Variants in ARVCF observed in about 807,000 individuals in gnomAD.
The protein encoded by ARVCF is splicing regulator ARVCF.
In ARVCF, 66 loss-of-function variants were observed where a neutral mutation model predicts 90.9. The observed-to-expected ratio is 0.73, with a 90% CI of 0.60 to 0.89. The LOEUF is 0.89. Ranked by LOEUF, ARVCF falls within the 40% of genes least tolerant of loss-of-function variation. The pLI is 0.00. For missense variants in ARVCF, 1,469 were observed against 1,382.3 expected, an observed-to-expected ratio of 1.06 and a Z score of -1.00; for synonymous variants, 653 against 603.4, an observed-to-expected ratio of 1.08 and a Z score of -1.21.
At chr22:19,971,783 C>T (rs1036970614) in intron 18 of ARVCF, 103 bp downstream of exon 18, 1 of 1,280,820 alleles carries the variant, frequency 7.8e-7, no homozygotes, top group East Asian at 2.3e-5. Flanking sequence ...CCCAGCTGTA[C>T]CCCAGGGCCC....
chr22:19,996,414 G>C (rs1232160030), intron 2 of ARVCF, among the ~76,000 whole-genome samples: 2 of 152,212 alleles, frequency 1.3e-5, no homozygotes, highest in Admixed American at 6.5e-5. Flanking sequence ...AATGACGGGT[G>C]CTGGCGTTAC....
chr22:19,973,335 G>A lies in ARVCF; in HGVS notation c.2240-18C>T. On this transcript the variant is annotated intron_variant, in intron 13 of 19. Transcript: ENST00000263207. ...GTAGCTCCCTGAGGGGCAGGACTAG[G>A]TGTCAGAACACACCTCTGCCCCACC... The A allele has an allele frequency of 6.3e-7, 1 of 1,578,274 alleles. No individual in the cohort carries two copies. Among genetic ancestry groups the A allele is most frequent in the Non-Finnish European group, 8.6e-7 (1 of 1,167,224 alleles).
In ARVCF at chr22:19,969,999, C is replaced by A. The variant is rs1942657027; in HGVS notation, c.*757G>T. 1.6e-5 allele frequency: 16 copies of A among 984,934 alleles called. No individual in the cohort carries two copies. Among genetic ancestry groups the A allele is most frequent in the Non-Finnish European group, 1.4e-5 (12 of 829,922 alleles). The allele number at this position is 984,934 out of a possible 1,614,324, so 61.0% of individuals were successfully genotyped here. On this transcript the variant is annotated 3_prime_UTR_variant, in exon 20 of 20. Transcript: ENST00000263207. Reference sequence around the variant, plus strand: ...AATGCTTTTTCTCAGTGTTTTTCTTCTGTTTCTGAGTCACGAACAGCAGGC... The same window carrying A: ...AATGCTTTTTCTCAGTGTTTTTCTTATGTTTCTGAGTCACGAACAGCAGGC...
intron 2 of ARVCF, among the ~76,000 whole-genome samples, chr22:20,004,751 G>A (rs1336074736): frequency 2.0e-5 from 3 of 152,108 alleles, no homozygotes; most frequent in South Asian, 2.1e-4. Flanking sequence ...TCATGAATAC[G>A]GTCAAATGAC....
At chr22:19,987,060 A>G (rs7284393) in intron 3 of ARVCF, 227,805 of 640,686 alleles carry the variant, frequency 0.36, 42,946 homozygotes, top group African/African-American at 0.54. Context: ...CCCCAAGCCA[A>G]CTTCCCTCCA....
intron 1 of ARVCF, among the ~76,000 whole-genome samples, chr22:20,012,387 T>C (rs745745506): frequency 1.3e-5 from 2 of 152,174 alleles, no homozygotes; most frequent in African/African-American, 2.4e-5. Context: ...AGAGCATCTG[T>C]GGACAACCTA....
chr22:20,010,795 T>C (rs1020405921), intron 1 of ARVCF, among the ~76,000 whole-genome samples: 3 of 152,214 alleles, frequency 2.0e-5, no homozygotes, highest in African/African-American at 7.2e-5. Flanking sequence ...GGACTGATAA[T>C]GACGTCTTCC....
intron 2 of ARVCF, among the ~76,000 whole-genome samples, chr22:20,009,571 G>T (rs1353804226): frequency 1.3e-5 from 2 of 152,212 alleles, no homozygotes; most frequent in East Asian, 1.9e-4. Flanking sequence ...CCAGGGTGGG[G>T]ACTGGAGGAA....
chr22:20,012,486 T>A (rs1334172162), intron 1 of ARVCF, among the ~76,000 whole-genome samples: 1 of 152,204 alleles, frequency 6.6e-6, no homozygotes, highest in African/African-American at 2.4e-5. Context: ...TATGGGAAGG[T>A]GGGGAGGTGC....
chr22:19,995,690 C>T (rs2238792), intron 2 of ARVCF, among the ~76,000 whole-genome samples: 36,153 of 152,094 alleles, frequency 0.24, 4,960 homozygotes, highest in South Asian at 0.33. Context: ...GAGGAATTTC[C>T]GAAGGGTCAG....
intron 2 of ARVCF, among the ~76,000 whole-genome samples, chr22:20,003,896 G>C (rs931003994): frequency 9.9e-5 from 15 of 152,002 alleles, no homozygotes; most frequent in Admixed American, 9.8e-4. Flanking sequence ...AGAAATAAAA[G>C]ACATCCAAAT....
intron 2 of ARVCF, 71 bp from the exon 3 acceptor site, chr22:19,990,883 GC>G (rs918631138): frequency 6.9e-7 from 1 of 1,442,592 alleles, no homozygotes; most frequent in Admixed American, 2.0e-5. Context: ...GCCCCTGCCC[GC>G]CCCACTCACA....
At chr22:19,985,388 G>C (rs1005486251) in intron 3 of ARVCF, among the ~76,000 whole-genome samples, 4 of 152,200 alleles carry the variant, frequency 2.6e-5, no homozygotes, top group Admixed American at 1.3e-4. Context: ...CCTTGGGCTT[G>C]TGGGAGGGGC....
chr22:19,973,550 C>T, intron 13 of ARVCF, 93 bp downstream of exon 13: 1 of 1,519,600 alleles, frequency 6.6e-7, no homozygotes, highest in Non-Finnish European at 8.8e-7. Context: ...GGCCTGGACT[C>T]CCAAACCACT....
chr22:19,977,812 G>C (rs993553198), intron 8 of ARVCF, 146 bp downstream of exon 8: 2 of 1,083,854 alleles, frequency 1.8e-6, no homozygotes, highest in South Asian at 3.3e-5. Context: ...ACTTCAGTGT[G>C]GTCACTGCGA....
At chr22:19,965,620 G>T (rs1012750663), downstream of ARVCF, 1 of 152,316 alleles carries the variant, frequency 6.6e-6, no homozygotes, top group East Asian at 1.9e-4. Context: ...GATTACAGGC[G>T]TGAGCCACTG....
intron 2 of ARVCF, among the ~76,000 whole-genome samples, chr22:20,006,396 T>A (rs1025902014): frequency 4.6e-5 from 7 of 151,560 alleles, no homozygotes; most frequent in Admixed American, 1.3e-4. Context: ...GCTAACATGG[T>A]GAAACCCCGT....
chr22:19,972,768 G>A lies in ARVCF; in HGVS notation c.2610C>T (p.Asp870=), dbSNP rs775246903. Residue 870 remains aspartate (D), a synonymous_variant, in exon 16 of 20, where the codon GAC becomes GAT. Transcript: ENST00000263207. ...KGALSPGGFD[D]STLPLVDKSL... is the part of the protein sequence containing the mutation. ...TCTTGTCCACCAGTGGCAGCGTGCTGTCATCGAAGCCCCCAGGACTCAGTG... is the reference window on the plus strand; with the variant it reads ...TCTTGTCCACCAGTGGCAGCGTGCTATCATCGAAGCCCCCAGGACTCAGTG... 2 of 1,613,020 alleles carry A rather than the reference G, an allele frequency of 1.2e-6. No homozygotes were observed. Among genetic ancestry groups the A allele is most frequent in the East Asian group, 2.2e-5 (1 of 44,880 alleles).
chr22:19,983,825 A>T (rs1185383970), intron 3 of ARVCF: 3 of 152,254 alleles, frequency 2.0e-5, no homozygotes, highest in African/African-American at 7.2e-5. Context: ...GTTCCCTGGG[A>T]AAAAGAAATA....
Sources: allele counts gnomAD v4.1 joint callset (sites outside exome capture counted in the v4.1 genomes callset), GRCh38; gene constraint gnomAD v4.1.1; transcripts MANE v1.5; gene names NCBI Gene and HGNC (gene_info 2026-07-23, HGNC 2026-07-21).